Variants in NIPBL observed in about 807,000 individuals in gnomAD.
NIPBL encodes NIPBL cohesin loading factor, also known as nipped-B-like protein.
A neutral mutation model predicts 321.8 loss-of-function variants in NIPBL; 19 were observed. That is an observed-to-expected ratio of 0.06 (90% CI 0.04 to 0.09). The LOEUF (loss-of-function observed/expected upper bound fraction) is 0.09. Among genes scored for constraint, NIPBL ranks in the 10% least tolerant of loss-of-function variants. The pLI, the probability that NIPBL is intolerant of heterozygous loss-of-function variation, is 1.00. For synonymous variants in NIPBL, 1,106 were observed against 1,114.1 expected (o/e 0.99, Z 0.14); for missense variants, 2,210 against 3,327.0 (o/e 0.66, Z 8.26).
At chr5:36,920,317 GA>G (rs1303557379) in intron 1 of NIPBL, among the ~76,000 whole-genome samples, 4 of 152,056 alleles carry the variant, frequency 2.6e-5, no homozygotes. Context: ...CCATTTTAAA[GA>G]AAAACATAAA....
chr5:37,037,495 C>G (rs1191758416), intron 33 of NIPBL, among the ~76,000 whole-genome samples: 5 of 149,760 alleles, frequency 3.3e-5, no homozygotes, highest in Non-Finnish European at 5.9e-5. Flanking sequence ...GCATTACTTC[C>G]CATCTAATGC....
intron 1 of NIPBL, among the ~76,000 whole-genome samples, chr5:36,932,553 T>A (rs1749852729): frequency 6.6e-6 from 1 of 152,122 alleles, no homozygotes; most frequent in African/African-American, 2.4e-5. Context: ...TATTTTACTT[T>A]CAACCTATTT....
At chr5:36,938,355 C>T (rs1177231785) in intron 1 of NIPBL, among the ~76,000 whole-genome samples, 1 of 151,976 alleles carries the variant, frequency 6.6e-6, no homozygotes, top group African/African-American at 2.4e-5. Context: ...CCCCCGACCA[C>T]CACCACCACA....
chr5:36,940,349 C>A (rs1425034925), intron 1 of NIPBL, among the ~76,000 whole-genome samples: 2 of 152,104 alleles, frequency 1.3e-5, no homozygotes, highest in African/African-American at 4.8e-5. Context: ...CAAAATAAAT[C>A]AAATTGAGAG....
chr5:36,893,414 G>C (rs1746495319), intron 1 of NIPBL, among the ~76,000 whole-genome samples: 1 of 151,984 alleles, frequency 6.6e-6, no homozygotes, highest in Non-Finnish European at 1.5e-5. Flanking sequence ...ACTTTCCAAG[G>C]TTCTAAGTAT....
intron 33 of NIPBL, among the ~76,000 whole-genome samples, chr5:37,037,642 T>C (rs1445106619): frequency 1.3e-5 from 2 of 150,438 alleles, no homozygotes; most frequent in African/African-American, 4.8e-5. Context: ...TTTTTTTTTT[T>C]TCCATGTGTA....
chr5:37,016,246 A>T, intron 23 of NIPBL, 76 bp downstream of exon 23: 1 of 1,420,640 alleles, frequency 7.0e-7, no homozygotes, highest in Non-Finnish European at 9.9e-7. Flanking sequence ...TTCACAGATG[A>T]TGAATTCTTT....
chr5:37,057,159 A>G, intron 42 of NIPBL, 27 bp from the exon 43 acceptor site: 1 of 1,610,752 alleles, frequency 6.2e-7, no homozygotes, highest in Non-Finnish European at 8.5e-7. Flanking sequence ...TCCGCTAAAC[A>G]TGTGTGCTTT....
At chr5:37,043,022 T>C (rs1752604423) in intron 34 of NIPBL, among the ~76,000 whole-genome samples, 1 of 152,108 alleles carries the variant, frequency 6.6e-6, no homozygotes, top group Non-Finnish European at 1.5e-5. Context: ...TTTGGTTTTT[T>C]TTAAAAAGTC....
At chr5:36,977,093 T>C (rs1359326800) in intron 9 of NIPBL, among the ~76,000 whole-genome samples, 2 of 152,056 alleles carry the variant, frequency 1.3e-5, no homozygotes, top group Non-Finnish European at 2.9e-5. Context: ...AGTAAGTTCT[T>C]AGTAATTTGG....
intron 44 of NIPBL, among the ~76,000 whole-genome samples, chr5:37,059,972 T>C (rs1162438901): frequency 6.6e-6 from 1 of 152,226 alleles, no homozygotes; most frequent in Non-Finnish European, 1.5e-5. Flanking sequence ...TTACATTCAT[T>C]GAAATCTAAG....
chr5:37,010,760 C>G (rs1338223987), intron 21 of NIPBL, among the ~76,000 whole-genome samples: 2 of 152,110 alleles, frequency 1.3e-5, no homozygotes, highest in Non-Finnish European at 2.9e-5. Context: ...TATTCTTCAG[C>G]TGTAAAATGG....
At chr5:36,900,791 AT>A (rs1747144497) in intron 1 of NIPBL, among the ~76,000 whole-genome samples, 2 of 151,714 alleles carry the variant, frequency 1.3e-5, no homozygotes, top group Non-Finnish European at 1.5e-5. Flanking sequence ...ACATTGCATG[AT>A]TTTTTTTCCT....
chr5:36,987,996 A>G (rs1745036877), intron 10 of NIPBL, among the ~76,000 whole-genome samples: 1 of 152,138 alleles, frequency 6.6e-6, no homozygotes, highest in African/African-American at 2.4e-5. Context: ...AGTCAGGTGA[A>G]AGATGGAAAG....
At chr5:37,044,536 T>A in intron 35 of NIPBL, 49 bp downstream of exon 35, 1 of 1,595,880 alleles carries the variant, frequency 6.3e-7, no homozygotes, top group Non-Finnish European at 8.6e-7. Flanking sequence ...AAAGTTCTAA[T>A]GTATTTTATT....
At chr5:36,995,341 T>G (rs182497470) in intron 10 of NIPBL, 5 of 265,740 alleles carry the variant, frequency 1.9e-5, no homozygotes, top group African/African-American at 9.1e-5. Context: ...TCAGTGCAAA[T>G]TGAAGGCATT....
chr5:36,925,633 C>G (rs168662), intron 1 of NIPBL, among the ~76,000 whole-genome samples: 2 of 151,890 alleles, frequency 1.3e-5, no homozygotes, highest in Non-Finnish European at 2.9e-5. Flanking sequence ...TGAGGAAACC[C>G]TCAAAGAGAC....
intron 9 of NIPBL, among the ~76,000 whole-genome samples, chr5:36,982,397 G>C (rs540681298): frequency 2.0e-5 from 3 of 151,896 alleles, no homozygotes; most frequent in South Asian, 4.1e-4. Flanking sequence ...ATCAGACCAA[G>C]TGAATCAGAA....
At chr5:36,933,739 T>C (rs1749955793) in intron 1 of NIPBL, among the ~76,000 whole-genome samples, 1 of 152,142 alleles carries the variant, frequency 6.6e-6, no homozygotes, top group Non-Finnish European at 1.5e-5. Context: ...TTGGCTTTTA[T>C]TGATTAATCT....
Sources: allele counts gnomAD v4.1 joint callset (sites outside exome capture counted in the v4.1 genomes callset), GRCh38; gene constraint gnomAD v4.1.1; transcripts MANE v1.5; gene names NCBI Gene and HGNC (gene_info 2026-07-23, HGNC 2026-07-21).